DOLK: variants seen among roughly 807,000 people sequenced by gnomAD.
The protein encoded by DOLK is dolichol kinase, also known as SEC59 homolog.
Under a neutral mutation model 31.7 loss-of-function variants are expected in DOLK, and 20 were observed. The ratio of observed to expected loss-of-function variants is 0.63; its 90% confidence interval spans 0.44 to 0.92. The LOEUF (loss-of-function observed/expected upper bound fraction) is 0.92, where lower values mean the gene tolerates loss of function less well. DOLK is among the 40% of genes least tolerant of loss of function. The pLI, the probability that DOLK is intolerant of heterozygous loss-of-function variation, is 0.00. For synonymous variants in DOLK, 309 were observed against 287.0 expected, an observed-to-expected ratio of 1.08 and a Z score of -0.77; for missense variants, 594 against 680.7, an observed-to-expected ratio of 0.87 and a Z score of 1.42.
chr9:128,946,914 G>A lies in DOLK; in HGVS notation c.390C>T (p.Leu130=), dbSNP rs774441866. The change falls in exon 1 of 1, where the codon CTC becomes CTT. Residue 130 remains leucine, a synonymous_variant. Transcript: ENST00000372586. ...AVALFSSVLA[L]GITRPVPTNT... ...TGGTTGGCACTGGGCGAGTGATGCC[G>A]AGCGCCAACACTGATGAGAAGAGGG... 5.0e-6 allele frequency: 8 copies of A among 1,604,260 alleles called. No individual in the cohort carries two copies. The highest frequency in any genetic ancestry group is 1.7e-5 in the Admixed American group (1 of 59,982).
rs1588261448 is a variant in DOLK, at chr9:128,945,598, G to A, written c.*89C>T. The A allele has an allele frequency of 6.6e-7, 1 of 1,509,916 alleles. No individual in the cohort carries two copies. The highest frequency in any genetic ancestry group is 9.2e-7 in the Non-Finnish European group (1 of 1,088,020). The allele number at this position is 1,509,916 out of a possible 1,614,324, so 93.5% of individuals were successfully genotyped here. On this transcript the variant is annotated 3_prime_UTR_variant, in exon 1 of 1. Transcript: ENST00000372586. ...AATCAAATCTGCTTTTCACACCTTG[G>A]CTCTTCATGCCCAAGTAGCTGTCTG...
chr9:128,946,491 G>C lies in DOLK; in HGVS notation c.813C>G (p.Val271=). 6.2e-7 allele frequency: 1 copy of C among 1,614,110 alleles called. No individual in the cohort carries two copies. The highest frequency in any genetic ancestry group is 1.6e-4 in the Middle Eastern group (1 of 6,062). The change falls in exon 1 of 1, where the codon GTC becomes GTG. Residue 271 remains valine (V), a synonymous_variant. Transcript: ENST00000372586. The part of the protein sequence containing the change: ...LMTCVLSLGV[V]LPWLHRLIRR... ...GGATGAGCCGGTGCAGCCAGGGTAG[G>C]ACCACACCAAGGCTCAGCACACAGG...
chr9:128,946,411 A>G lies in DOLK; in HGVS notation c.893T>C (p.Ile298Thr). The G allele has an allele frequency of 6.2e-7, 1 of 1,614,058 alleles. No individual in the cohort carries two copies. The highest frequency in any genetic ancestry group is 1.1e-5 in the South Asian group (1 of 91,074). Residue 298 changes from isoleucine (I) to threonine (T), a missense_variant, in exon 1 of 1, where the codon ATC becomes ACC. Ile to Thr is a moderately conservative substitution (Grantham distance 89). Transcript: ENST00000372586. ...CAGAGACCAATAGGCTAGGAGGTAG[A>G]TGCGGGTGTCTGTCTGGAAGAGAAA... is the stretch of plus-strand genomic sequence containing the variant. ...LQFLFQTDTR[I>T]YLLAYWSLLA...
In DOLK at chr9:128,945,790, C is replaced by G. The variant is rs1841650620; in HGVS notation, c.1514G>C (p.Trp505Ser). ...SGVDLNYSYA[W>S]ILGSISTVSL... The stretch of plus-strand genomic sequence containing the variant: ...CACAGTGCTGATGGACCCCAAAATC[C>G]AAGCATAACTGTAGTTTAGGTCCAC... The change falls in exon 1 of 1, where the codon TGG (tryptophan) becomes TCG (serine). Residue 505 changes from tryptophan to serine, a missense_variant. Trp to Ser is a radical substitution (Grantham distance 177). Coordinates refer to ENST00000372586, the MANE Select transcript of DOLK (RefSeq NM_014908.4). The G allele has an allele frequency of 2.5e-6, 4 of 1,614,202 alleles. No homozygotes were observed. The highest frequency in any genetic ancestry group is 4.5e-5 in the East Asian group (2 of 44,886).
In DOLK at chr9:128,945,910, C is replaced by T. The variant is rs148930043; in HGVS notation, c.1394G>A (p.Arg465His). Reference protein sequence around the residue: ...SIFGSTMGEIRWPGTKKTFEG... With the variant: ...SIFGSTMGEIHWPGTKKTFEG... Reference sequence around the variant, plus strand: ...AAAAGTCTTTTTGGTTCCAGGCCAGCGGATCTCCCCCATGGTGCTACCGAA... The same window carrying T: ...AAAAGTCTTTTTGGTTCCAGGCCAGTGGATCTCCCCCATGGTGCTACCGAA... Residue 465 changes from arginine (R) to histidine (H), a missense_variant, in exon 1 of 1, where the codon CGC becomes CAC. Transcript: ENST00000372586. 129 of 1,614,170 alleles carry T rather than the reference C, an allele frequency of 8.0e-5. No homozygotes were observed. Among genetic ancestry groups the T allele is most frequent in the African/African-American group, 7.2e-4 (54 of 75,034 alleles).
chr9:128,945,752 C>A lies in DOLK; in HGVS notation c.1552G>T (p.Ala518Ser). Reference sequence around the variant, plus strand: ...AGATTGTCTATCTGTGTAGTGTATGCTTCCAGGAGGGACACAGTGCTGATG... The same window carrying A: ...AGATTGTCTATCTGTGTAGTGTATGATTCCAGGAGGGACACAGTGCTGATG... ...GSISTVSLLEAYTTQIDNLLL... is the reference protein window; with the variant it reads ...GSISTVSLLESYTTQIDNLLL... Residue 518 changes from alanine (A) to serine (S), a missense_variant, in exon 1 of 1, where the codon GCA becomes TCA. Physicochemically the swap from Ala to Ser is moderately conservative, Grantham distance 99 (BLOSUM62 1). Transcript: ENST00000372586. The A allele has an allele frequency of 6.2e-7, 1 of 1,614,158 alleles. No individual in the cohort carries two copies. The highest frequency in any genetic ancestry group is 8.5e-7 in the Non-Finnish European group (1 of 1,180,030).
At position 128,945,829 on chromosome 9, in the gene DOLK, A is replaced by G; in HGVS notation, c.1475T>C (p.Ile492Thr). Reference sequence around the variant, plus strand: ...GTTTAGGTCCACTCCACTGTCAAAGATTAAGATCAGAGCTACAGAAATGAT... The same window carrying G: ...GTTTAGGTCCACTCCACTGTCAAAGGTTAAGATCAGAGCTACAGAAATGAT... The part of the protein sequence containing the change: ...AQIISVALIL[I>T]FDSGVDLNYS... The change falls in exon 1 of 1, where the codon ATC becomes ACC. Residue 492 changes from isoleucine to threonine, a missense_variant. Ile to Thr is a moderately conservative substitution (Grantham distance 89, BLOSUM62 -1). Coordinates refer to ENST00000372586, the MANE Select transcript of DOLK (RefSeq NM_014908.4). 1 of 1,614,224 alleles carries G rather than the reference A, an allele frequency of 6.2e-7. No homozygotes were observed. Among genetic ancestry groups the G allele is most frequent in the Non-Finnish European group, 8.5e-7 (1 of 1,180,042 alleles).
chr9:128,947,570 G>A lies in DOLK; in HGVS notation c.-267C>T, dbSNP rs996172036. On this transcript the variant is annotated 5_prime_UTR_variant, in exon 1 of 1. Transcript: ENST00000372586. ...CACAGTTACAGCCGCCCCCGCTGCC[G>A]GCTCCTCACCTCTTTGGGCCTCGCC... 1.2e-5 allele frequency: 13 copies of A among 1,055,610 alleles called. 1 individual carries two copies. The highest frequency in any genetic ancestry group is 5.8e-5 in the Admixed American group (2 of 34,390). The allele number at this position is 1,055,610 out of a possible 1,614,324, so 65.4% of individuals were successfully genotyped here.
rs137853110 is a variant in DOLK at position 128,945,982 on chromosome 9, T to C, written c.1322A>G (p.Tyr441Cys). ...CACACCCACAGCCAGGACACCGGCA[T>C]AGGGGACGAGGGCCCTGGCTCCTCC... ...SLGGARALVP[Y>C]AGVLAVGVGD... is the part of the protein sequence containing the mutation. The change falls in exon 1 of 1, where the codon TAT (tyrosine) becomes TGT (cysteine). Residue 441 changes from tyrosine to cysteine, a missense_variant. Coordinates refer to ENST00000372586, the MANE Select transcript of DOLK (RefSeq NM_014908.4). The C allele has an allele frequency of 1.2e-6, 2 of 1,614,102 alleles. No homozygotes were observed. The highest frequency in any genetic ancestry group is 3.3e-5 in the Admixed American group (2 of 60,012).
At position 128,945,901 on chromosome 9, in the gene DOLK, C is replaced by T; in HGVS notation, c.1403G>A (p.Gly468Glu). 1 of 1,614,128 alleles carries T rather than the reference C, an allele frequency of 6.2e-7. No individual in the cohort carries two copies. Among genetic ancestry groups the T allele is most frequent in the Non-Finnish European group, 8.5e-7 (1 of 1,180,030 alleles). The change falls in exon 1 of 1, where the codon GGA becomes GAA. Residue 468 changes from glycine to glutamate, a missense_variant. By Grantham distance (98) the Gly-to-Glu change is moderately conservative. Coordinates refer to ENST00000372586, the MANE Select transcript of DOLK (RefSeq NM_014908.4). The stretch of plus-strand genomic sequence containing the variant: ...GGTCCCCTCAAAAGTCTTTTTGGTT[C>T]CAGGCCAGCGGATCTCCCCCATGGT... ...GSTMGEIRWP[G>E]TKKTFEGTMT...
Position 128,946,781 on chromosome 9 carries a change from C to T in DOLK, c.523G>A (p.Val175Ile), listed in dbSNP as rs145177598. 1.9e-6 allele frequency: 3 copies of T among 1,613,846 alleles called. No individual in the cohort carries two copies. The highest frequency in any genetic ancestry group is 1.7e-5 in the Admixed American group (1 of 59,962). ...TACAGCAGGATCATGTTGAGATAAA[C>T]GAAGATCAGAAGGACTTCCAGGACT... ...IEVLEVLLIF[V>I]YLNMILLYLL... Residue 175 changes from valine to isoleucine, a missense_variant, in exon 1 of 1, where the codon GTT (valine) becomes ATT (isoleucine). Val to Ile is a conservative substitution (Grantham distance 29). Transcript: ENST00000372586.
chr9:128,947,096 C>T lies in DOLK; in HGVS notation c.208G>A (p.Val70Ile). Residue 70 changes from valine to isoleucine, a missense_variant, in exon 1 of 1, where the codon GTC becomes ATC. Coordinates refer to ENST00000372586, the MANE Select transcript of DOLK (RefSeq NM_014908.4). The stretch of plus-strand genomic sequence containing the variant: ...TTTGCGGACATTCGGAACTGGAAGA[C>T]GGCGCTTCCCTGCTGTAGCAGCCGG... ...WDRLLQQGSAVFQFRMSANSG... is the reference protein window; with the variant it reads ...WDRLLQQGSAIFQFRMSANSG... The T allele has an allele frequency of 6.2e-7, 1 of 1,614,010 alleles. No individual in the cohort carries two copies. Among genetic ancestry groups the T allele is most frequent in the South Asian group, 1.1e-5 (1 of 91,082 alleles).
rs554098531 is a variant in DOLK, at chr9:128,946,410, G to A, written c.894C>T (p.Ile298=). 7 of 1,613,962 alleles carry A rather than the reference G, an allele frequency of 4.3e-6. No individual in the cohort carries two copies. The highest frequency in any genetic ancestry group is 1.6e-4 in the Middle Eastern group (1 of 6,084). ...GCAGAGACCAATAGGCTAGGAGGTA[G>A]ATGCGGGTGTCTGTCTGGAAGAGAA... The part of the protein sequence containing the change: ...LQFLFQTDTR[I]YLLAYWSLLA... The change falls in exon 1 of 1, where the codon ATC becomes ATT. Residue 298 remains isoleucine, a synonymous_variant. Transcript: ENST00000372586.
chr9:128,946,047 G>A lies in DOLK; in HGVS notation c.1257C>T (p.Ile419=). 6.2e-7 allele frequency: 1 copy of A among 1,614,164 alleles called. No individual in the cohort carries two copies. Among genetic ancestry groups the A allele is most frequent in the South Asian group, 1.1e-5 (1 of 91,086 alleles). Residue 419 remains isoleucine, a synonymous_variant, in exon 1 of 1, where the codon ATC becomes ATT. Coordinates refer to ENST00000372586, the MANE Select transcript of DOLK (RefSeq NM_014908.4). The part of the protein sequence containing the change: ...IYLLLGMSLP[I]WLIPRPCTQK... ...GTGTGCAGGGTCTGGGGATCAGCCA[G>A]ATGGGAAGAGACATGCCCAGGAGCA... is the stretch of plus-strand genomic sequence containing the variant.
In DOLK at chr9:128,946,707, A is replaced by T. The variant is rs1841676118; in HGVS notation, c.597T>A (p.Gly199=). Residue 199 remains glycine (G), a synonymous_variant, in exon 1 of 1, where the codon GGT becomes GGA. Coordinates refer to ENST00000372586, the MANE Select transcript of DOLK (RefSeq NM_014908.4). ...GCTGGTTGAGGACAAAGCTAATGCC[A>T]CCCAATACCAGCAGTGCCTCACCAG... ...FTPGEALLVL[G]GISFVLNQLI... 2 of 1,614,014 alleles carry T rather than the reference A, an allele frequency of 1.2e-6. No homozygotes were observed. Among genetic ancestry groups the T allele is most frequent in the Admixed American group, 1.7e-5 (1 of 59,970 alleles).
At position 128,947,540 on chromosome 9, in the gene DOLK, T is replaced by C; in HGVS notation, c.-237A>G. The C allele has an allele frequency of 1.1e-6, 1 of 935,226 alleles. No individual in the cohort carries two copies. The highest frequency in any genetic ancestry group is 1.6e-6 in the Non-Finnish European group (1 of 629,808). The allele number at this position is 935,226 out of a possible 1,614,324, so 57.9% of individuals were successfully genotyped here. A position where few individuals can be genotyped will look rare whatever the true frequency, so the allele number is the denominator to read the frequency against. On this transcript the variant is annotated 5_prime_UTR_variant, in exon 1 of 1. Transcript: ENST00000372586. ...GCGTAGACGTCGCCACTCTGCAGCC[T>C]TCCTCACAGTTACAGCCGCCCCCGC... is the stretch of plus-strand genomic sequence containing the variant.
rs1841665871 is a variant in DOLK at position 128,946,308 on chromosome 9, G to A, written c.996C>T (p.Ala332=). Residue 332 remains alanine, a synonymous_variant, in exon 1 of 1, where the codon GCC becomes GCT. Transcript: ENST00000372586. ...RSSSESKKHQ[A]PTIARKYFHL... is the part of the protein sequence containing the mutation. Reference sequence around the variant, plus strand: ...GGAAATACTTTCGGGCGATGGTGGGGGCCTGGTGCTTCTTGGACTCGGAAG... The same window carrying A: ...GGAAATACTTTCGGGCGATGGTGGGAGCCTGGTGCTTCTTGGACTCGGAAG... The A allele has an allele frequency of 6.2e-7, 1 of 1,614,008 alleles. No homozygotes were observed. Among genetic ancestry groups the A allele is most frequent in the Non-Finnish European group, 8.5e-7 (1 of 1,180,028 alleles).
rs1243690893 is a variant in DOLK, at chr9:128,946,554, T to C, written c.750A>G (p.Ser250=). The C allele has an allele frequency of 1.2e-6, 2 of 1,613,972 alleles. No individual in the cohort carries two copies. The highest frequency in any genetic ancestry group is 2.7e-5 in the African/African-American group (2 of 74,890). ...AGAAGATGGAGGAGGCCCAGGTGCC[T>C]GAGTCCATGAAGACAAACAGAGTGC... ...FFSTLFVFMD[S]GTWASSIFFH... is the part of the protein sequence containing the mutation. The change falls in exon 1 of 1, where the codon TCA becomes TCG. Residue 250 remains serine, a synonymous_variant. Transcript: ENST00000372586.
rs1841679909 is a variant in DOLK at position 128,946,848 on chromosome 9, A to C, written c.456T>G (p.Ile152Met). The change falls in exon 1 of 1, where the codon ATT becomes ATG. Residue 152 changes from isoleucine (I) to methionine (M), a missense_variant. Ile to Met is a conservative substitution (Grantham distance 10, BLOSUM62 1). Coordinates refer to ENST00000372586, the MANE Select transcript of DOLK (RefSeq NM_014908.4). ...VILGLAGGVI[I>M]YIMKHSLSVG... ...CGCTCAACGAGTGCTTCATGATATA[A>C]ATGATAACACCTCCAGCCAAGCCCA... The C allele has an allele frequency of 6.2e-7, 1 of 1,611,398 alleles. No homozygotes were observed. The highest frequency in any genetic ancestry group is 1.1e-5 in the South Asian group (1 of 91,072).
Sources: gnomAD v4.1 joint callset for allele counts on GRCh38, gnomAD v4.1.1 for gene constraint, MANE v1.5 for transcripts, NCBI Gene and HGNC (gene_info 2026-07-23, HGNC 2026-07-21) for gene names.